GRK4: variants seen among roughly 807,000 people sequenced by gnomAD.
The protein encoded by GRK4 is G protein-coupled receptor kinase 4, also known as G protein-coupled receptor kinase 2-like.
GRK4 carries 73 observed loss-of-function variants against 77.9 expected under a neutral mutation model. The ratio of observed to expected loss-of-function variants is 0.94; its 90% CI spans 0.78 to 1.14. The LOEUF (loss-of-function observed/expected upper bound fraction) is 1.14. Ranked by LOEUF, GRK4 falls within the 50% of genes most tolerant of loss-of-function variation. GRK4 has a pLI of 0.00. For missense variants in GRK4, 729 were observed against 700.2 expected, an observed-to-expected ratio of 1.04 and a Z score of -0.46; for synonymous variants, 257 against 254.4, an observed-to-expected ratio of 1.01 and a Z score of -0.10.
At chr4:2,992,163 A>G in intron 3 of GRK4, 52 bp from the exon 4 acceptor site, 5 of 1,297,280 alleles carry the variant, frequency 3.9e-6, no homozygotes, top group South Asian at 1.2e-5. Flanking sequence ...ACAGGTATGC[A>G]CCACCACACC....
At chr4:3,011,342 A>G (rs1291328959) in intron 7 of GRK4, among the ~76,000 whole-genome samples, 6 of 152,222 alleles carry the variant, frequency 3.9e-5, no homozygotes, top group African/African-American at 1.4e-4. Flanking sequence ...GCACTTCGGG[A>G]GGCCAAGGTA....
At chr4:3,001,089 ATGTGTG>A (rs1490130793) in intron 4 of GRK4, among the ~76,000 whole-genome samples, 2 of 82,410 alleles carry the variant, frequency 2.4e-5, no homozygotes, top group Non-Finnish European at 5.0e-5. Context: ...ATATATATAT[ATGTGTG>A]TGTGTGTGTG....
At chr4:3,004,778 G>A (rs1730813375) in intron 5 of GRK4, among the ~76,000 whole-genome samples, 1 of 152,122 alleles carries the variant, frequency 6.6e-6, no homozygotes, top group Non-Finnish European at 1.5e-5. Context: ...GGAGAAGGAG[G>A]AAGAGGAGGA....
chr4:3,033,911 C>G (rs1054044424), intron 12 of GRK4, among the ~76,000 whole-genome samples: 4 of 152,186 alleles, frequency 2.6e-5, no homozygotes, highest in Admixed American at 6.5e-5. Context: ...ATTAACAAAG[C>G]ATGCAAAGAA....
chr4:3,021,967 C>T (rs565464401), intron 9 of GRK4, among the ~76,000 whole-genome samples: 5 of 152,276 alleles, frequency 3.3e-5, no homozygotes, highest in Non-Finnish European at 1.5e-5. Flanking sequence ...AATGAATGAC[C>T]GATGGTCCCA....
intron 4 of GRK4, among the ~76,000 whole-genome samples, chr4:2,994,615 TA>T (rs1382643646): frequency 6.6e-6 from 1 of 151,928 alleles, no homozygotes; most frequent in Non-Finnish European, 1.5e-5. Context: ...AAGAAAGAAA[TA>T]ATTATAAAGA....
chr4:3,005,773 T>G (rs1302170035), intron 5 of GRK4, among the ~76,000 whole-genome samples: 1 of 152,050 alleles, frequency 6.6e-6, no homozygotes, highest in Non-Finnish European at 1.5e-5. Context: ...TCCACTGTAC[T>G]CCAGCCTGGG....
intron 5 of GRK4, 67 bp downstream of exon 5, chr4:3,004,401 G>A (rs1730705004): frequency 9.7e-7 from 1 of 1,031,696 alleles, no homozygotes; most frequent in Non-Finnish European, 1.5e-6. Context: ...CAGCTTTCAG[G>A]AGGTTTCTCT....
At chr4:2,969,924 C>T (rs1199454269) in intron 1 of GRK4, among the ~76,000 whole-genome samples, 8 of 152,176 alleles carry the variant, frequency 5.3e-5, no homozygotes. Flanking sequence ...TGATCCTACC[C>T]TCCCACTTCA....
intron 2 of GRK4, 151 bp from the exon 3 acceptor site, chr4:2,988,576 A>AAACAAAC (rs140315626): frequency 0.28 from 139,122 of 496,572 alleles, 21,171 homozygotes; most frequent in African/African-American, 0.42. Flanking sequence ...TGTCTGAAAC[A>AAACAAAC]AACAACAACA....
rs139041614 is a variant in GRK4 at position 3,028,327 on chromosome 4, A to G, written c.1060+326A>G. Among the ~76,000 whole-genome samples, 715 of 152,276 alleles carry G rather than the reference A, an allele frequency of 4.7e-3. 8 individuals are homozygous for G. Among genetic ancestry groups the G allele is most frequent in the Middle Eastern group, 0.014 (4 of 294 alleles). ...TCCCCTGTGCACCACGGCCTCTCGG[A>G]GCCTCAGGAAATCACCCCACTCTGG... On this transcript the variant is annotated intron_variant, in intron 11 of 15. Coordinates refer to ENST00000398052, the MANE Select transcript of GRK4 (RefSeq NM_182982.3).
chr4:3,004,228 A>T lies in GRK4; in HGVS notation c.340-3A>T. 1 of 1,603,644 alleles carries T rather than the reference A, an allele frequency of 6.2e-7. No homozygotes were observed. On this transcript the variant is annotated splice_polypyrimidine_tract_variant and splice_region_variant and intron_variant, in intron 4 of 15. Transcript: ENST00000398052. ...TTATGTATTTGGTTTGTACTGTATT[A>T]AGTTGGCAGCCCCTTTACCAGAAAT... is the stretch of plus-strand genomic sequence containing the variant.
chr4:3,006,172 G>A (rs1731268625), intron 5 of GRK4, among the ~76,000 whole-genome samples: 1 of 152,066 alleles, frequency 6.6e-6, no homozygotes, highest in South Asian at 2.1e-4. Context: ...CTGAGGTCAG[G>A]AGTTCGAGAC....
At chr4:2,970,461 A>C (rs1178789740) in intron 1 of GRK4, among the ~76,000 whole-genome samples, 1 of 151,908 alleles carries the variant, frequency 6.6e-6, no homozygotes, top group East Asian at 2.0e-4. Flanking sequence ...GTATCGAGAC[A>C]ATCCTGGCCA....
At chr4:3,029,531 C>T (rs952616332) in intron 12 of GRK4, 122 bp downstream of exon 12, 21 of 755,984 alleles carry the variant, frequency 2.8e-5, no homozygotes, top group Admixed American at 6.9e-5. Flanking sequence ...CACCCACCTC[C>T]CAGGCCCTGC....
chr4:3,031,161 G>T (rs945212279), intron 12 of GRK4, among the ~76,000 whole-genome samples: 1 of 152,196 alleles, frequency 6.6e-6, no homozygotes, highest in Non-Finnish European at 1.5e-5. Context: ...AGCAGCCAGC[G>T]CACGGGGAGT....
At chr4:3,033,211 C>T (rs963095980) in intron 12 of GRK4, among the ~76,000 whole-genome samples, 6 of 151,852 alleles carry the variant, frequency 4.0e-5, no homozygotes, top group Admixed American at 1.3e-4. Context: ...AGTGAGATGC[C>T]GTCTATATTT....
In GRK4 at chr4:2,974,495, G is replaced by A. The variant is rs186967923; in HGVS notation, c.53-10018G>A. On this transcript the variant is annotated intron_variant, in intron 1 of 15. Coordinates refer to ENST00000398052, the MANE Select transcript of GRK4 (RefSeq NM_182982.3). ...AGTTACTTCAGTTTCACTCAAAAAC[G>A]GTTTATTGTGTGCCAGGCACTAAGC... Among the ~76,000 whole-genome samples, 9 of 152,260 alleles carry A rather than the reference G, an allele frequency of 5.9e-5. No homozygotes were observed. In the East Asian group the frequency reaches 1.4e-3, roughly 23 times the overall value.
At chr4:2,995,629 C>T (rs921016616) in intron 4 of GRK4, among the ~76,000 whole-genome samples, 3 of 150,652 alleles carry the variant, frequency 2.0e-5, no homozygotes, top group African/African-American at 7.3e-5. Context: ...TGCAGTGAAC[C>T]AAAATTGTGC....
Sources: allele counts gnomAD v4.1 joint callset (sites outside exome capture counted in the v4.1 genomes callset), GRCh38; gene constraint gnomAD v4.1.1; transcripts MANE v1.5; gene names NCBI Gene and HGNC (gene_info 2026-07-23, HGNC 2026-07-21).